CNTNAP2: variants seen among roughly 807,000 people sequenced by gnomAD.
CNTNAP2 encodes the protein contactin-associated protein-like 2.
In CNTNAP2, 98 loss-of-function variants were observed where a neutral mutation model predicts 155.2. The observed-to-expected ratio is 0.63, with a 90% confidence interval of 0.54 to 0.75. The LOEUF (loss-of-function observed/expected upper bound fraction) is 0.75, where lower values mean the gene tolerates loss of function less well. Among genes scored for constraint, CNTNAP2 ranks in the 30% least tolerant of loss-of-function variants. CNTNAP2 has a pLI of 0.00. For missense variants in CNTNAP2, 1,727 were observed against 1,688.1 expected (o/e 1.02, Z -0.40); for synonymous variants, 651 against 631.2 (o/e 1.03, Z -0.47).
intron 13 of CNTNAP2, among the ~76,000 whole-genome samples, chr7:147,827,813 C>A (rs1798480844): frequency 6.6e-6 from 1 of 152,010 alleles, no homozygotes; most frequent in African/African-American, 2.4e-5. Flanking sequence ...CAGGCCAAAG[C>A]AAGTAATGCA....
At chr7:148,106,519 T>TATATATATATATATATATATATATAC (rs1491129840) in intron 15 of CNTNAP2, among the ~76,000 whole-genome samples, 10 of 130,882 alleles carry the variant, frequency 7.6e-5, no homozygotes, top group African/African-American at 2.7e-4. Context: ...TATATATATA[T>TATATATATATATATATATATATATAC]ACATATTTTT....
rs543497510 is a variant in CNTNAP2 at position 147,912,875 on chromosome 7, C to T, written c.2255+9154C>T. On this transcript the variant is annotated intron_variant, in intron 14 of 23. Transcript: ENST00000361727. ...TAAGGAGGAAATTCCCAGCTTAAGC[C>T]ACAAAGGTGTGCGTCAATCACCTGG... Among the ~76,000 whole-genome samples, 47 of 152,272 alleles carry T rather than the reference C, an allele frequency of 3.1e-4. No individual in the cohort carries two copies. The South Asian group carries it at 8.7e-3, about 28-fold the overall frequency.
intron 10 of CNTNAP2, among the ~76,000 whole-genome samples, chr7:147,458,053 A>T (rs1008831935): frequency 2.0e-5 from 3 of 152,166 alleles, no homozygotes; most frequent in Non-Finnish European, 4.4e-5. Context: ...TCTAGGAAAG[A>T]GGTCATCACT....
At chr7:148,293,023 T>G (rs999403038) in intron 21 of CNTNAP2, among the ~76,000 whole-genome samples, 3 of 151,580 alleles carry the variant, frequency 2.0e-5, no homozygotes, top group African/African-American at 7.3e-5. Flanking sequence ...TGAGTAGAGA[T>G]TTTTTGAGGG....
At chr7:146,624,193 T>G (rs1799379940) in intron 1 of CNTNAP2, among the ~76,000 whole-genome samples, 1 of 152,080 alleles carries the variant, frequency 6.6e-6, no homozygotes, top group Non-Finnish European at 1.5e-5. Context: ...TGCAAATATT[T>G]TCTCCCAGGC....
intron 21 of CNTNAP2, among the ~76,000 whole-genome samples, chr7:148,313,072 A>G (rs1311615369): frequency 6.6e-6 from 1 of 151,852 alleles, no homozygotes; most frequent in Non-Finnish European, 1.5e-5. Context: ...GGAGTGCTTA[A>G]AAGAGTATTG....
At chr7:147,465,156 G>A (rs1242765446) in intron 10 of CNTNAP2, among the ~76,000 whole-genome samples, 1 of 152,184 alleles carries the variant, frequency 6.6e-6, no homozygotes, top group Non-Finnish European at 1.5e-5. Flanking sequence ...CCAAGAGTGG[G>A]AGGAGGGGCA....
intron 1 of CNTNAP2, among the ~76,000 whole-genome samples, chr7:146,703,958 GCTTT>G (rs1293290670): frequency 4.0e-5 from 6 of 151,740 alleles, no homozygotes; most frequent in Admixed American, 3.9e-4. Flanking sequence ...TTTCATCTGT[GCTTT>G]CTCTTATTTC....
At chr7:146,210,829 A>G (rs1799022939) in intron 1 of CNTNAP2, among the ~76,000 whole-genome samples, 4 of 143,820 alleles carry the variant, frequency 2.8e-5, no homozygotes. Flanking sequence ...GACAGACAAG[A>G]CTACTTCATT....
At chr7:147,376,117 G>A (rs767869018) in intron 9 of CNTNAP2, among the ~76,000 whole-genome samples, 12 of 151,994 alleles carry the variant, frequency 7.9e-5, no homozygotes, top group South Asian at 2.1e-4. Flanking sequence ...ATTAAAAGTT[G>A]CATCTGTTAA....
At chr7:146,317,988 A>C (rs1800937840) in intron 1 of CNTNAP2, among the ~76,000 whole-genome samples, 1 of 152,100 alleles carries the variant, frequency 6.6e-6, no homozygotes, top group Non-Finnish European at 1.5e-5. Context: ...AAAAATACAA[A>C]AAATTAGCCA....
chr7:147,351,052 G>A (rs1247587332), intron 9 of CNTNAP2, among the ~76,000 whole-genome samples: 4 of 151,668 alleles, frequency 2.6e-5, no homozygotes, highest in Admixed American at 6.6e-5. Flanking sequence ...ATGCTTTCAA[G>A]CAATCTTTCT....
At chr7:147,622,794 A>G (rs1439525031) in intron 12 of CNTNAP2, among the ~76,000 whole-genome samples, 1 of 152,066 alleles carries the variant, frequency 6.6e-6, no homozygotes, top group African/African-American at 2.4e-5. Flanking sequence ...GCATAAATAA[A>G]TAAAATTGAA....
chr7:146,206,837 T>A (rs915741111), intron 1 of CNTNAP2, among the ~76,000 whole-genome samples: 28 of 152,136 alleles, frequency 1.8e-4, no homozygotes, highest in Middle Eastern at 3.4e-3. Context: ...ATGAATTTTA[T>A]TTCCATTTAA....
intron 1 of CNTNAP2, among the ~76,000 whole-genome samples, chr7:146,726,131 C>CT (rs1161650921): frequency 1.3e-5 from 2 of 152,044 alleles, no homozygotes; most frequent in African/African-American, 2.4e-5. Context: ...TAATAGGCAT[C>CT]TTTTTTAACA....
chr7:147,035,160 G>A (rs1366772704), intron 3 of CNTNAP2, among the ~76,000 whole-genome samples: 1 of 152,154 alleles, frequency 6.6e-6, no homozygotes, highest in African/African-American at 2.4e-5. Context: ...TTGAGGGGTG[G>A]CGAGGCAAGG....
chr7:148,058,011 G>C (rs1469211727), intron 15 of CNTNAP2, among the ~76,000 whole-genome samples: 1 of 149,240 alleles, frequency 6.7e-6, no homozygotes, highest in Non-Finnish European at 1.5e-5. Context: ...TTTTGACAAA[G>C]TGAACTGAGG....
chr7:147,452,010 G>C lies in CNTNAP2; in HGVS notation c.1671-33925G>C, dbSNP rs185678421. On this transcript the variant is annotated intron_variant, in intron 10 of 23. Transcript: ENST00000361727. The stretch of plus-strand genomic sequence containing the variant: ...TTGATCTTGCACTTCTCAGATTCCA[G>C]AGCTGAGAGCCTATACAGTTCCATC... 5.5e-4 allele frequency among the ~76,000 whole-genome samples: 84 copies of C among 152,306 alleles called. 1 individual carries two copies. Among genetic ancestry groups the C allele is most frequent in the Non-Finnish European group, 1.0e-3 (71 of 68,028 alleles).
At chr7:147,866,907 G>A (rs553715454) in intron 13 of CNTNAP2, among the ~76,000 whole-genome samples, 1 of 152,186 alleles carries the variant, frequency 6.6e-6, no homozygotes, top group South Asian at 2.1e-4. Flanking sequence ...TATCCAATTT[G>A]CCAATATGTG....
Sources: gnomAD v4.1 joint callset for allele counts (sites outside exome capture counted in the v4.1 genomes callset) on GRCh38, gnomAD v4.1.1 for gene constraint, MANE v1.5 for transcripts, NCBI Gene and HGNC (gene_info 2026-07-23, HGNC 2026-07-21) for gene names.